KCNB2: variants seen among roughly 807,000 people sequenced by gnomAD.
KCNB2 encodes the protein delayed rectifier potassium channel protein.
In KCNB2, 15 loss-of-function variants were observed where a neutral mutation model predicts 61.5. The ratio of observed to expected loss-of-function variants is 0.24; its 90% CI spans 0.16 to 0.38. KCNB2 has a LOEUF of 0.38. KCNB2 is among the 10% of genes least tolerant of loss of function. The pLI is 1.00. For synonymous variants in KCNB2, 457 were observed against 446.0 expected, an observed-to-expected ratio of 1.02 and a Z score of -0.31; for missense variants, 828 against 1,125.2, an observed-to-expected ratio of 0.74 and a Z score of 3.78.
At chr8:72,872,612 A>T (rs191913300) in intron 2 of KCNB2, among the ~76,000 whole-genome samples, 175 of 152,336 alleles carry the variant, frequency 1.1e-3, no homozygotes, top group African/African-American at 3.9e-3. Flanking sequence ...GTGAATTGTC[A>T]CGAGTGGTAC....
At chr8:72,814,092 T>A (rs1809350057) in intron 2 of KCNB2, among the ~76,000 whole-genome samples, 1 of 152,168 alleles carries the variant, frequency 6.6e-6, no homozygotes, top group Non-Finnish European at 1.5e-5. Flanking sequence ...CTCCTATGAG[T>A]GAGAACAAGA....
At chr8:72,899,385 A>T (rs979820558) in intron 2 of KCNB2, among the ~76,000 whole-genome samples, 2 of 152,184 alleles carry the variant, frequency 1.3e-5, no homozygotes, top group Admixed American at 6.5e-5. Context: ...TAGCCAGAGC[A>T]ATCAGGCAAG....
intron 2 of KCNB2, among the ~76,000 whole-genome samples, chr8:72,741,916 A>G (rs760357927): frequency 2.0e-5 from 3 of 152,232 alleles, no homozygotes; most frequent in South Asian, 2.1e-4. Flanking sequence ...TACAACCACT[A>G]TGGAAAATAG....
chr8:72,583,086 T>C (rs1288386862), intron 2 of KCNB2, among the ~76,000 whole-genome samples: 1 of 152,184 alleles, frequency 6.6e-6, no homozygotes, highest in African/African-American at 2.4e-5. Flanking sequence ...AGGATTTAGA[T>C]AAATATTAGG....
chr8:72,680,205 G>T lies in KCNB2; in HGVS notation c.579+111892G>T, dbSNP rs144100686. Among the ~76,000 whole-genome samples the T allele has an allele frequency of 1.7e-3, 265 of 152,220 alleles. 2 individuals carry two copies. The highest frequency in any genetic ancestry group is 5.9e-3 in the African/African-American group (247 of 41,540). ...GTGCTACAGGGAATGAACCATTTGA[G>T]GTACCCTAAAGGAAGAGCTTACAAG... is the stretch of plus-strand genomic sequence containing the variant. On this transcript the variant is annotated intron_variant, in intron 2 of 2. Coordinates refer to ENST00000523207, the MANE Select transcript of KCNB2 (RefSeq NM_004770.3).
intron 1 of KCNB2, among the ~76,000 whole-genome samples, chr8:72,548,793 T>G (rs1806300848): frequency 6.6e-6 from 1 of 152,250 alleles, no homozygotes; most frequent in Non-Finnish European, 1.5e-5. Flanking sequence ...TTCTTTCCTA[T>G]TCGTAATTTT....
chr8:72,785,340 C>T (rs1417229711), intron 2 of KCNB2, among the ~76,000 whole-genome samples: 2 of 152,098 alleles, frequency 1.3e-5, no homozygotes, highest in African/African-American at 4.8e-5. Flanking sequence ...CAAATAAGCT[C>T]CTGAATAATT....
At chr8:72,579,376 A>G (rs1806855537) in intron 2 of KCNB2, among the ~76,000 whole-genome samples, 1 of 152,194 alleles carries the variant, frequency 6.6e-6, no homozygotes, top group East Asian at 1.9e-4. Context: ...TCCGAATTGA[A>G]GAAGCTAGCT....
intron 2 of KCNB2, among the ~76,000 whole-genome samples, chr8:72,901,249 G>C (rs1172030724): frequency 6.6e-6 from 1 of 152,162 alleles, no homozygotes; most frequent in Non-Finnish European, 1.5e-5. Context: ...AGTACAGTGA[G>C]GGGGAGGTGG....
chr8:72,588,938 C>T (rs1807045530), intron 2 of KCNB2, among the ~76,000 whole-genome samples: 1 of 151,890 alleles, frequency 6.6e-6, no homozygotes, highest in Admixed American at 6.6e-5. Context: ...AGAAACATGC[C>T]CTGAGTCACA....
chr8:72,795,693 A>G (rs1477721455), intron 2 of KCNB2, among the ~76,000 whole-genome samples: 1 of 152,208 alleles, frequency 6.6e-6, no homozygotes, highest in Non-Finnish European at 1.5e-5. Flanking sequence ...TGCCTCATAC[A>G]TATTAGTGTG....
At chr8:72,627,052 A>G (rs1241212226) in intron 2 of KCNB2, among the ~76,000 whole-genome samples, 1 of 152,212 alleles carries the variant, frequency 6.6e-6, no homozygotes, top group Non-Finnish European at 1.5e-5. Context: ...TACTTCCAAG[A>G]CCTTCCCCAT....
chr8:72,765,222 C>G (rs1482226138), intron 2 of KCNB2, among the ~76,000 whole-genome samples: 1 of 152,146 alleles, frequency 6.6e-6, no homozygotes, highest in African/African-American at 2.4e-5. Flanking sequence ...AGTTGTCTGT[C>G]AACAGTTTCC....
Position 72,537,326 on chromosome 8 carries a change from C to T in KCNB2, c.-653C>T, listed in dbSNP as rs990453969. The T allele has an allele frequency of 6.6e-6, 1 of 152,196 alleles. No homozygotes were observed. The highest frequency in any genetic ancestry group is 2.4e-5 in the African/African-American group (1 of 41,306). The allele number at this position is 152,196 out of a possible 1,614,324, so 9.4% of individuals were successfully genotyped here. A position where few individuals can be genotyped will look rare whatever the true frequency, so the allele number is the denominator to read the frequency against. ...CGCGCGCAGCCTCTACCCTGCTCCG[C>T]CACAGACACACACCCACCAAGCACC... On this transcript the variant is annotated 5_prime_UTR_variant, in exon 1 of 3. Coordinates refer to ENST00000523207, the MANE Select transcript of KCNB2 (RefSeq NM_004770.3).
intron 2 of KCNB2, among the ~76,000 whole-genome samples, chr8:72,865,128 T>C (rs1002815821): frequency 1.3e-5 from 2 of 152,146 alleles, no homozygotes; most frequent in African/African-American, 4.8e-5. Flanking sequence ...TTCTGGGCCT[T>C]TCCCTTTACT....
At chr8:72,895,110 A>G (rs1473223648) in intron 2 of KCNB2, among the ~76,000 whole-genome samples, 1 of 152,216 alleles carries the variant, frequency 6.6e-6, no homozygotes, top group Non-Finnish European at 1.5e-5. Flanking sequence ...CTATAATGAC[A>G]GATGAGAGAG....
chr8:72,908,359 T>C (rs1806219981), intron 2 of KCNB2, among the ~76,000 whole-genome samples: 1 of 152,198 alleles, frequency 6.6e-6, no homozygotes, highest in South Asian at 2.1e-4. Flanking sequence ...AATCAACTCA[T>C]TTATTGATTA....
chr8:72,716,790 A>T (rs1262679195), intron 2 of KCNB2, among the ~76,000 whole-genome samples: 1 of 152,094 alleles, frequency 6.6e-6, no homozygotes, highest in Admixed American at 6.5e-5. Flanking sequence ...CCTATTCAAC[A>T]TAGTGTTGGA....
intron 2 of KCNB2, among the ~76,000 whole-genome samples, chr8:72,699,543 G>C (rs974595909): frequency 1.3e-5 from 2 of 151,954 alleles, no homozygotes; most frequent in Non-Finnish European, 2.9e-5. Context: ...CATTCTGTAG[G>C]TTGCCTGTTC....
Sources: gnomAD v4.1 joint callset for allele counts (sites outside exome capture counted in the v4.1 genomes callset) on GRCh38, gnomAD v4.1.1 for gene constraint, MANE v1.5 for transcripts, NCBI Gene and HGNC (gene_info 2026-07-23, HGNC 2026-07-21) for gene names.